HECTD4: variants seen among roughly 807,000 people sequenced by gnomAD.
The protein encoded by HECTD4 is probable E3 ubiquitin-protein ligase HECTD4.
A neutral mutation model predicts 471.5 loss-of-function variants in HECTD4; 114 were observed. The ratio of observed to expected loss-of-function variants is 0.24; its 90% CI spans 0.21 to 0.28. The LOEUF is 0.28. Ranked by LOEUF, HECTD4 falls within the 10% of genes least tolerant of loss-of-function variation. The pLI, the probability that HECTD4 is intolerant of heterozygous loss-of-function variation, is 1.00. For synonymous variants in HECTD4, 2,012 were observed against 2,256.0 expected, an observed-to-expected ratio of 0.89 and a Z score of 3.07; for missense variants, 3,866 against 5,651.5, an observed-to-expected ratio of 0.68 and a Z score of 10.13.
rs1050989132 is a variant in HECTD4, at chr12:112,176,629, C to T, written c.11437G>A (p.Asp3813Asn). ...TTTTTGGTAGGTGACTTTTCTGGGT[C>T]CTTTTCATCTGGTTTGCTCTTTTCT... ...SPEKSKPDEK[D>N]PEKSPTKKQE... The change falls in exon 65 of 76, where the codon GAC (aspartate) becomes AAC (asparagine). Residue 3813 changes from aspartate (D) to asparagine (N), a missense_variant. By Grantham distance (23) the Asp-to-Asn change is conservative. This residue lies in a region of HECTD4 where 715 missense variants were observed against 1,087.6 expected (regional missense o/e 0.66). Coordinates refer to ENST00000682272, the MANE Select transcript of HECTD4 (RefSeq NM_001388303.1). 6.2e-7 allele frequency: 1 copy of T among 1,613,948 alleles called. No homozygotes were observed.
chr12:112,204,074 G>GAA (rs2032506122), intron 53 of HECTD4, among the ~76,000 whole-genome samples: 1 of 152,208 alleles, frequency 6.6e-6, no homozygotes, highest in South Asian at 2.1e-4. Flanking sequence ...ACAGAGCCTT[G>GAA]CTCTGTGGCC....
chr12:112,193,948 G>A lies in HECTD4; in HGVS notation c.8750-274C>T, dbSNP rs1332995707. On this transcript the variant is annotated intron_variant, in intron 56 of 75. Coordinates refer to ENST00000682272, the MANE Select transcript of HECTD4 (RefSeq NM_001388303.1). This position sits in a 1 kb window ranked among gnomAD's most constrained non-coding sequence, Gnocchi z 5.2. ...AATCTACACAGAGGCCCAGGTCTAC[G>A]AAATATATCAAATGGGGCTGCTTGG... is the stretch of plus-strand genomic sequence containing the variant. Among the ~76,000 whole-genome samples the A allele has an allele frequency of 6.6e-6, 1 of 152,162 alleles. No individual in the cohort carries two copies. The highest frequency in any genetic ancestry group is 2.4e-5 in the African/African-American group (1 of 41,434).
chr12:112,191,424 C>T (rs1015860817), intron 59 of HECTD4, among the ~76,000 whole-genome samples: 1 of 152,170 alleles, frequency 6.6e-6, no homozygotes, highest in Non-Finnish European at 1.5e-5. Flanking sequence ...CTACTGGCAC[C>T]TTGGGTTTTG....
chr12:112,302,542 T>C (rs1026567628), intron 7 of HECTD4: 2 of 712,860 alleles, frequency 2.8e-6, no homozygotes, highest in Admixed American at 1.9e-5. Flanking sequence ...CTGGATGTCC[T>C]GTCCAATACC....
rs187615157 is a variant in HECTD4 at position 112,261,227 on chromosome 12, T to C, written c.2873+78A>G. The stretch of plus-strand genomic sequence containing the variant: ...CTATATAAAATTGATCCTTCTATAT[T>C]CTAAAAAGATTTAATTTCAATAAAC... On this transcript the variant is annotated intron_variant, in intron 18 of 75. Transcript: ENST00000682272. The C allele has an allele frequency of 9.2e-6, 13 of 1,408,980 alleles. No individual in the cohort carries two copies. In the Admixed American group the frequency reaches 2.3e-4, roughly 25 times the overall value. The allele number at this position is 1,408,980 out of a possible 1,614,324, so 87.3% of individuals were successfully genotyped here. A position where few individuals can be genotyped will look rare whatever the true frequency, so the allele number is the denominator to read the frequency against.
chr12:112,239,093 T>A lies in HECTD4; in HGVS notation c.5249A>T (p.Gln1750Leu), dbSNP rs1432700973. ...CTCAACACAGCGGTTGGCAAGCACCTGGAAGGCAGCCCAGGCCATGGTGGC... is the reference window on the plus strand; with the variant it reads ...CTCAACACAGCGGTTGGCAAGCACCAGGAAGGCAGCCCAGGCCATGGTGGC... ...KVATMAWAAFQVLANRCVEWE... is the reference protein window; with the variant it reads ...KVATMAWAAFLVLANRCVEWE... The change falls in exon 34 of 76, where the codon CAG (glutamine) becomes CTG (leucine). Residue 1750 changes from glutamine (Q) to leucine (L), a missense_variant. Transcript: ENST00000682272. This position sits in a 1 kb window ranked among gnomAD's most constrained non-coding sequence, Gnocchi z 4.9. 6.2e-7 allele frequency: 1 copy of A among 1,613,610 alleles called. No individual in the cohort carries two copies. Among genetic ancestry groups the A allele is most frequent in the Admixed American group, 1.7e-5 (1 of 59,976 alleles).
At chr12:112,192,978 A>T in intron 58 of HECTD4, 83 bp downstream of exon 58, 2 of 1,539,030 alleles carry the variant, frequency 1.3e-6, no homozygotes, top group South Asian at 1.2e-5. Context: ...CAGTGATTTG[A>T]ATTTTTTTCC....
At chr12:112,164,414 C>T (rs963844886) in intron 72 of HECTD4, 139 bp from the exon 73 acceptor site, 12 of 874,006 alleles carry the variant, frequency 1.4e-5, no homozygotes, top group South Asian at 3.6e-5. Flanking sequence ...ACACAGCTTT[C>T]GCCAATCAGA....
At chr12:112,217,356 C>A (rs200495587) in intron 45 of HECTD4, among the ~76,000 whole-genome samples, 161 bp from the exon 46 acceptor site, 4 of 148,436 alleles carry the variant, frequency 2.7e-5, no homozygotes, top group Non-Finnish European at 4.4e-5. Context: ...CACACACACA[C>A]AATTTATTTA....
chr12:112,366,920 T>A (rs1337897392), intron 1 of HECTD4, among the ~76,000 whole-genome samples: 1 of 147,984 alleles, frequency 6.8e-6, no homozygotes. Flanking sequence ...AAAGAAAAAA[T>A]TGCTTGTTAC....
chr12:112,228,126 T>C lies in HECTD4; in HGVS notation c.6817A>G (p.Met2273Val). The part of the protein sequence containing the change: ...PATGDGSAPV[M>V]AVVRLLAEIR... ...TCAGCAAGGAGCCGAACGACTGCCA[T>C]CACAGGAGCTGACCCATCTCCTGTT... is the stretch of plus-strand genomic sequence containing the variant. Residue 2273 changes from methionine to valine, a missense_variant, in exon 43 of 76, where the codon ATG becomes GTG. By Grantham distance (21) the Met-to-Val change is conservative. Around this residue, in one of 16 missense-constraint regions of HECTD4, gnomAD observed 617 missense variants for 915.1 expected, o/e 0.67. Transcript: ENST00000682272. The surrounding 1 kb of genome is among the most constrained non-coding windows in gnomAD (Gnocchi z 4.9). 1.9e-6 allele frequency: 3 copies of C among 1,613,500 alleles called. No individual in the cohort carries two copies. Among genetic ancestry groups the C allele is most frequent in the Non-Finnish European group, 2.5e-6 (3 of 1,179,688 alleles).
intron 19 of HECTD4, 38 bp downstream of exon 19, chr12:112,259,074 C>T (rs1351318243): frequency 6.4e-7 from 1 of 1,560,542 alleles, no homozygotes; most frequent in Non-Finnish European, 8.6e-7. Flanking sequence ...AGCAGGTTGG[C>T]CAAAAAGCAG....
chr12:112,180,884 C>A (rs2031645483), intron 62 of HECTD4, among the ~76,000 whole-genome samples: 1 of 151,824 alleles, frequency 6.6e-6, no homozygotes, highest in Non-Finnish European at 1.5e-5. Context: ...TAAGAAAACG[C>A]CAAAAACCTC....
chr12:112,249,497 T>C (rs2033832248), intron 25 of HECTD4: 1 of 152,670 alleles, frequency 6.6e-6, no homozygotes, highest in Non-Finnish European at 1.5e-5. Flanking sequence ...TATTATGGCC[T>C]GCAGTGTTCA....
intron 8 of HECTD4, among the ~76,000 whole-genome samples, chr12:112,281,257 G>C (rs2034635335): frequency 6.7e-6 from 1 of 150,214 alleles, no homozygotes; most frequent in Admixed American, 6.7e-5. Context: ...AACATAACAA[G>C]ACCTCATGTT....
Position 112,183,283 on chromosome 12 carries a change from C to G in HECTD4, c.10780-17G>C. 1.3e-6 allele frequency: 2 copies of G among 1,599,970 alleles called. No homozygotes were observed. The highest frequency in any genetic ancestry group is 1.7e-6 in the Non-Finnish European group (2 of 1,168,878). ...GGATCTTATCTGTGTGAACAGAGAA[C>G]AGGGTCAGGATTTGAGTAGCTTGAC... On this transcript the variant is annotated splice_polypyrimidine_tract_variant and intron_variant, in intron 61 of 75. Transcript: ENST00000682272.
In HECTD4 at chr12:112,169,423, G is replaced by T. The variant is rs566743695; in HGVS notation, c.12208+80C>A. The T allele has an allele frequency of 4.2e-6, 6 of 1,415,794 alleles. No individual in the cohort carries two copies. In the Admixed American group the frequency reaches 7.2e-5, roughly 17 times the overall value. 87.7% of individuals were successfully genotyped at this position (1,415,794 alleles called of 1,614,324 possible). ...GGATGTGGCTTTTACTCTTGGAAAT[G>T]GAGGTCTTGGGCAGCTGGGGCTAAG... On this transcript the variant is annotated intron_variant, in intron 70 of 75. Coordinates refer to ENST00000682272, the MANE Select transcript of HECTD4 (RefSeq NM_001388303.1).
At chr12:112,240,110 T>C in intron 32 of HECTD4, 83 bp from the exon 33 acceptor site, 1 of 1,386,886 alleles carries the variant, frequency 7.2e-7, no homozygotes. Context: ...TGAGAAACTC[T>C]AGAGTATCTG....
At chr12:112,164,069 G>T in intron 73 of HECTD4, 40 bp downstream of exon 73, 1 of 1,393,648 alleles carries the variant, frequency 7.2e-7, no homozygotes, top group South Asian at 1.7e-5. Context: ...TGGCTGGCCG[G>T]GCCAGCCCCT....
Sources: allele counts gnomAD v4.1 joint callset (sites outside exome capture counted in the v4.1 genomes callset), GRCh38; gene constraint gnomAD v4.1.1; regional missense constraint gnomAD v4.1.1; non-coding constraint Gnocchi (gnomAD v3.1); transcripts MANE v1.5; gene names NCBI Gene and HGNC (gene_info 2026-07-23, HGNC 2026-07-21).